VPS13D: variants seen among roughly 807,000 people sequenced by gnomAD.
The protein encoded by VPS13D is vacuolar protein sorting 13 homolog D.
In VPS13D, 187 loss-of-function variants were observed where a neutral mutation model predicts 461.9. That is an observed-to-expected ratio of 0.40 (90% confidence interval 0.36 to 0.46). The LOEUF is 0.46. Ranked by LOEUF, VPS13D falls within the 20% of genes least tolerant of loss-of-function variation. VPS13D has a pLI of 0.60. For missense variants in VPS13D, 4,711 were observed against 5,364.9 expected (o/e 0.88, Z 3.81); for synonymous variants, 1,951 against 1,986.3 (o/e 0.98, Z 0.47).
intron 15 of VPS13D, 111 bp downstream of exon 15, chr1:12,268,031 G>A: frequency 1.7e-5 from 14 of 838,304 alleles, no homozygotes; most frequent in Non-Finnish European, 2.4e-5. Context: ...GTGTGATCTT[G>A]GCTCACTGCA....
intron 68 of VPS13D, among the ~76,000 whole-genome samples, chr1:12,497,924 T>C (rs1256023601): frequency 6.6e-6 from 1 of 152,246 alleles, no homozygotes; most frequent in Admixed American, 6.5e-5. Flanking sequence ...ATGAATAAAA[T>C]GTTCTCAATT....
At chr1:12,374,926 C>T (rs150880922) in intron 55 of VPS13D, among the ~76,000 whole-genome samples, 172 of 152,208 alleles carry the variant, frequency 1.1e-3, no homozygotes, top group Non-Finnish European at 1.9e-3. Flanking sequence ...TTAGTAGAGA[C>T]GGGGTTTCGC....
At chr1:12,480,414 TAGG>T (rs1645699187) in intron 67 of VPS13D, among the ~76,000 whole-genome samples, 2 of 152,096 alleles carry the variant, frequency 1.3e-5, no homozygotes, top group Admixed American at 6.6e-5. Context: ...TTTCTAGAGG[TAGG>T]AGAAGAGACT....
chr1:12,387,994 A>G (rs1274156801), intron 60 of VPS13D, among the ~76,000 whole-genome samples: 1 of 152,244 alleles, frequency 6.6e-6, no homozygotes, highest in Non-Finnish European at 1.5e-5. Flanking sequence ...AAGGAAAAAA[A>G]TAGTATCAGA....
intron 6 of VPS13D, 50 bp from the exon 7 acceptor site, chr1:12,253,672 C>A: frequency 7.2e-7 from 1 of 1,397,830 alleles, no homozygotes; most frequent in South Asian, 1.2e-5. Flanking sequence ...GAATGACATT[C>A]ACGAATAAAG....
At chr1:12,328,276 A>G (rs1030062408) in intron 36 of VPS13D, among the ~76,000 whole-genome samples, 1 of 151,934 alleles carries the variant, frequency 6.6e-6, no homozygotes, top group Non-Finnish European at 1.5e-5. Context: ...AGTCTCCACC[A>G]CAGGGCCTTG....
intron 36 of VPS13D, among the ~76,000 whole-genome samples, chr1:12,328,115 C>G (rs1643238134): frequency 6.6e-6 from 1 of 152,086 alleles, no homozygotes. Context: ...TAAATAATTC[C>G]TGATCTCTTC....
Position 12,277,962 on chromosome 1 carries a change from G to C in VPS13D, c.4374G>C (p.Gly1458=). The C allele has an allele frequency of 1.2e-6, 2 of 1,614,210 alleles. No individual in the cohort carries two copies. Among genetic ancestry groups the C allele is most frequent in the Non-Finnish European group, 8.5e-7 (1 of 1,180,040 alleles). The part of the protein sequence containing the change: ...EGSRMFCPPS[G]SGSANSQEEA... Reference sequence around the variant, plus strand: ...GCCGGATGTTTTGCCCACCTTCCGGGTCTGGCAGTGCCAACAGTCAGGAGG... The same window carrying C: ...GCCGGATGTTTTGCCCACCTTCCGGCTCTGGCAGTGCCAACAGTCAGGAGG... Residue 1458 remains glycine (G), a synonymous_variant, in exon 19 of 70, where the codon GGG becomes GGC. Coordinates refer to ENST00000620676, the MANE Select transcript of VPS13D (RefSeq NM_015378.4).
intron 65 of VPS13D, among the ~76,000 whole-genome samples, chr1:12,442,448 T>C (rs975880477): frequency 5.3e-5 from 8 of 152,212 alleles, no homozygotes; most frequent in Non-Finnish European, 8.8e-5. Flanking sequence ...AACAAACTTA[T>C]ATTGTGTGTT....
chr1:12,325,533 C>T (rs1351154303), intron 35 of VPS13D, among the ~76,000 whole-genome samples: 3 of 152,216 alleles, frequency 2.0e-5, no homozygotes, highest in South Asian at 2.1e-4. Flanking sequence ...GCTGAGATTA[C>T]AGGCGTGAGC....
chr1:12,294,186 AG>A (rs1642209519), intron 24 of VPS13D, among the ~76,000 whole-genome samples: 1 of 152,250 alleles, frequency 6.6e-6, no homozygotes, highest in Admixed American at 6.5e-5. Context: ...ACAACTTAGT[AG>A]GTGTTTGAAA....
Position 12,383,100 on chromosome 1 carries a change from G to A in VPS13D, c.11315G>A (p.Gly3772Asp). Residue 3772 changes from glycine (G) to aspartate (D), a missense_variant, in exon 58 of 70, where the codon GGT (glycine) becomes GAT (aspartate). Around this residue, in one of 3 missense-constraint regions of VPS13D, gnomAD observed 4,411 missense variants for 4,937.8 expected, o/e 0.89. Coordinates refer to ENST00000620676, the MANE Select transcript of VPS13D (RefSeq NM_015378.4). ...TTTATTAATCAAAAAATGAGACCTG[G>A]TTCTGGAATGTTATCCATCAGAGTC... ...QQFINQKMRP[G>D]SGMLSIRVIP... The A allele has an allele frequency of 1.9e-6, 3 of 1,614,106 alleles. No individual in the cohort carries two copies. The highest frequency in any genetic ancestry group is 2.5e-6 in the Non-Finnish European group (3 of 1,180,024).
chr1:12,327,480 C>A (rs560328256), intron 35 of VPS13D, among the ~76,000 whole-genome samples, 168 bp from the exon 36 acceptor site: 225 of 145,306 alleles, frequency 1.5e-3, no homozygotes, highest in African/African-American at 4.8e-3. Context: ...CCCCCACCCC[C>A]ACCACCCCCA....
chr1:12,328,098 C>A (rs932957958), intron 36 of VPS13D, among the ~76,000 whole-genome samples: 1 of 152,196 alleles, frequency 6.6e-6, no homozygotes, highest in Non-Finnish European at 1.5e-5. Context: ...GTATTAACAT[C>A]TCTAGCTAAA....
In VPS13D at chr1:12,275,945, G is replaced by A. The variant is rs749994083; in HGVS notation, c.2357G>A (p.Ser786Asn). The A allele has an allele frequency of 5.8e-5, 94 of 1,613,878 alleles. No individual in the cohort carries two copies. The highest frequency in any genetic ancestry group is 7.5e-5 in the Non-Finnish European group (89 of 1,180,036). Residue 786 changes from serine (S) to asparagine (N), a missense_variant, in exon 19 of 70, where the codon AGC (serine) becomes AAC (asparagine). By Grantham distance (46) the Ser-to-Asn change is conservative (BLOSUM62 1). Coordinates refer to ENST00000620676, the MANE Select transcript of VPS13D (RefSeq NM_015378.4). ...ACCCCACCTCCCGAGTCAAGCAGCA[G>A]CAACGGAGAGAAAACACCTCCCTTT... ...PNTPPPESSS[S>N]NGEKTPPFSG... is the part of the protein sequence containing the mutation.
At position 12,277,009 on chromosome 1, in the gene VPS13D, C is replaced by T; in HGVS notation, c.3421C>T (p.Pro1141Ser). ...PKEKDDLSPQ[P>S]LMTDFERSFR... ...GGAAAAAGATGATTTAAGTCCTCAA[C>T]CTTTAATGACTGATTTTGAAAGAAG... Residue 1141 changes from proline to serine, a missense_variant, in exon 19 of 70, where the codon CCT (proline) becomes TCT (serine). This residue lies in a region of VPS13D where 4,411 missense variants were observed against 4,937.8 expected (regional missense o/e 0.89). Coordinates refer to ENST00000620676, the MANE Select transcript of VPS13D (RefSeq NM_015378.4). 1 of 1,614,134 alleles carries T rather than the reference C, an allele frequency of 6.2e-7. No individual in the cohort carries two copies. Among genetic ancestry groups the T allele is most frequent in the African/African-American group, 1.3e-5 (1 of 75,034 alleles).
At chr1:12,401,825 T>C in intron 62 of VPS13D, 121 bp downstream of exon 62, 1 of 711,766 alleles carries the variant, frequency 1.4e-6, no homozygotes, top group Admixed American at 2.6e-5. Flanking sequence ...CATCTCAGCC[T>C]GAGCTAGGAA....
intron 15 of VPS13D, 21 bp downstream of exon 15, chr1:12,267,941 T>G (rs1318805812): frequency 1.3e-6 from 2 of 1,569,092 alleles, no homozygotes; most frequent in Non-Finnish European, 1.7e-6. Flanking sequence ...CTATGTTGTT[T>G]TTTTAAAATT....
At chr1:12,353,269 C>T (rs933429057) in intron 46 of VPS13D, among the ~76,000 whole-genome samples, 3 of 152,020 alleles carry the variant, frequency 2.0e-5, no homozygotes, top group East Asian at 1.9e-4. Flanking sequence ...TGCGGTGGCT[C>T]ACGCGTGTAA....
Sources: allele counts gnomAD v4.1 joint callset (sites outside exome capture counted in the v4.1 genomes callset), GRCh38; gene constraint gnomAD v4.1.1; regional missense constraint gnomAD v4.1.1; transcripts MANE v1.5; gene names NCBI Gene and HGNC (gene_info 2026-07-23, HGNC 2026-07-21).